CHST9: variants seen among roughly 807,000 people sequenced by gnomAD.
CHST9 encodes the protein carbohydrate sulfotransferase 9, also known as GalNAc-4-sulfotransferase 2.
In CHST9, 41 loss-of-function variants were observed where a neutral mutation model predicts 44.4. The observed-to-expected ratio is 0.92, with a 90% CI of 0.72 to 1.20. The LOEUF (loss-of-function observed/expected upper bound fraction) is 1.20. CHST9 is among the 50% of genes most tolerant of loss of function. The pLI is 0.00. For missense variants in CHST9, 504 were observed against 516.5 expected, an observed-to-expected ratio of 0.98 and a Z score of 0.23; for synonymous variants, 171 against 178.4, an observed-to-expected ratio of 0.96 and a Z score of 0.33.
intron 1 of CHST9, among the ~76,000 whole-genome samples, chr18:27,152,984 T>C (rs1490437943): frequency 1.3e-5 from 2 of 152,142 alleles, no homozygotes; most frequent in Non-Finnish European, 1.5e-5. Context: ...TGAATAAAGC[T>C]CTTGAATAAA....
intron 4 of CHST9, among the ~76,000 whole-genome samples, chr18:26,969,293 C>T (rs985896128): frequency 5.9e-5 from 9 of 152,074 alleles, no homozygotes; most frequent in African/African-American, 1.4e-4. Context: ...TGAGCCACCG[C>T]GCCTGGCCAC....
In CHST9 at chr18:27,053,659, A is replaced by G. The variant is rs547400613; in HGVS notation, c.122-5156T>C. 5.3e-5 allele frequency among the ~76,000 whole-genome samples: 8 copies of G among 152,240 alleles called. 1 individual carries two copies. In the South Asian group the frequency reaches 1.7e-3, roughly 32 times the overall value. ...TAAACAGCAAACTCTACATTTCTTA[A>G]TATAAAATTTATGACCTTGGACAAT... On this transcript the variant is annotated intron_variant, in intron 2 of 5. Coordinates refer to ENST00000618847, the MANE Select transcript of CHST9 (RefSeq NM_031422.6).
At chr18:26,974,986 A>G (rs2145178364) in intron 4 of CHST9, among the ~76,000 whole-genome samples, 1 of 152,132 alleles carries the variant, frequency 6.6e-6, no homozygotes, top group African/African-American at 2.4e-5. Context: ...AGGCGTACTT[A>G]TTTTCATTTC....
chr18:27,057,308 A>G (rs1301810370), intron 2 of CHST9, among the ~76,000 whole-genome samples: 4 of 152,244 alleles, frequency 2.6e-5, no homozygotes, highest in African/African-American at 9.6e-5. Flanking sequence ...GAGAAGTTTA[A>G]CTGGGCCAAT....
intron 2 of CHST9, among the ~76,000 whole-genome samples, chr18:27,074,952 A>G (rs1288611648): frequency 6.7e-6 from 1 of 149,148 alleles, no homozygotes; most frequent in East Asian, 1.9e-4. Context: ...TCTATAGTAT[A>G]TAGTCACCAA....
intron 3 of CHST9, among the ~76,000 whole-genome samples, chr18:27,039,396 C>A (rs1490479851): frequency 6.6e-6 from 1 of 152,120 alleles, no homozygotes; most frequent in Admixed American, 6.6e-5. Flanking sequence ...ATGAAATTAG[C>A]TAGTCACAAA....
intron 1 of CHST9, among the ~76,000 whole-genome samples, chr18:27,152,056 A>C (rs2058663754): frequency 6.6e-6 from 1 of 152,196 alleles, no homozygotes; most frequent in Non-Finnish European, 1.5e-5. Flanking sequence ...GCAGTGTTTC[A>C]TGGGCTATTC....
At chr18:26,965,454 G>A (rs548993041) in intron 4 of CHST9, among the ~76,000 whole-genome samples, 2 of 152,244 alleles carry the variant, frequency 1.3e-5, no homozygotes, top group Non-Finnish European at 2.9e-5. Context: ...AGAACCCCTG[G>A]GAAGCAGGCC....
At chr18:26,985,256 C>A (rs1054809398) in intron 4 of CHST9, among the ~76,000 whole-genome samples, 3 of 152,182 alleles carry the variant, frequency 2.0e-5, no homozygotes, top group African/African-American at 7.2e-5. Context: ...TCAATTTATG[C>A]AGTGTTCTAA....
chr18:26,972,366 AAAAAAAAAAAAAAAAG>A (rs1008093467), intron 4 of CHST9, among the ~76,000 whole-genome samples: 5 of 151,256 alleles, frequency 3.3e-5, no homozygotes, highest in African/African-American at 1.2e-4. Context: ...CCAAAAAAAA[AAAAAAAAAAAAAAAAG>A]GAAGAAAAAA....
chr18:27,043,407 A>G (rs1409481830), intron 3 of CHST9, among the ~76,000 whole-genome samples: 1 of 151,988 alleles, frequency 6.6e-6, no homozygotes, highest in Non-Finnish European at 1.5e-5. Flanking sequence ...CAACATAGAT[A>G]CGACTTAATT....
chr18:26,976,066 C>T (rs1215942031), intron 4 of CHST9, among the ~76,000 whole-genome samples: 1 of 151,752 alleles, frequency 6.6e-6, no homozygotes, highest in African/African-American at 2.4e-5. Flanking sequence ...ATTAGAGGGG[C>T]TCCAACAATG....
chr18:27,031,423 C>A (rs1210260938), intron 3 of CHST9, among the ~76,000 whole-genome samples: 1 of 152,116 alleles, frequency 6.6e-6, no homozygotes, highest in Non-Finnish European at 1.5e-5. Flanking sequence ...TGCTTCCAGC[C>A]ACCTTTTGAT....
intron 1 of CHST9, among the ~76,000 whole-genome samples, chr18:27,163,640 G>C (rs113940783): frequency 6.6e-6 from 1 of 152,196 alleles, no homozygotes; most frequent in African/African-American, 2.4e-5. Flanking sequence ...CTCCTGCTGT[G>C]ACGTTTGCTA....
intron 1 of CHST9, among the ~76,000 whole-genome samples, chr18:27,158,406 C>T (rs1370788035): frequency 6.6e-6 from 1 of 151,856 alleles, no homozygotes; most frequent in African/African-American, 2.4e-5. Context: ...TTTTCAGCTT[C>T]ATCCATGTCC....
At chr18:26,981,460 G>A (rs1450311198) in intron 4 of CHST9, among the ~76,000 whole-genome samples, 1 of 152,194 alleles carries the variant, frequency 6.6e-6, no homozygotes, top group Non-Finnish European at 1.5e-5. Context: ...GGCATATTCA[G>A]AACAGAGCCG....
rs565861953 is a variant in CHST9 at position 27,092,505 on chromosome 18, G to A, written c.122-44002C>T. 4.4e-3 allele frequency among the ~76,000 whole-genome samples: 663 copies of A among 151,800 alleles called. 4 individuals carry two copies. The highest frequency in any genetic ancestry group is 0.017 in the Middle Eastern group (5 of 292). ...TCTGCTAGCTTTTGAATGTGTTTGC[G>A]CTTGCTTCTCTAGTTCTTTTAATTG... is the stretch of plus-strand genomic sequence containing the variant. On this transcript the variant is annotated intron_variant, in intron 2 of 5. Transcript: ENST00000618847.
intron 4 of CHST9, among the ~76,000 whole-genome samples, chr18:26,972,272 A>G (rs938139133): frequency 1.4e-4 from 20 of 146,196 alleles, no homozygotes; most frequent in African/African-American, 4.8e-4. Context: ...CAAGAGAATC[A>G]CTTGAACCTG....
intron 4 of CHST9, among the ~76,000 whole-genome samples, chr18:26,991,139 G>C (rs2056811202): frequency 6.6e-6 from 1 of 152,172 alleles, no homozygotes; most frequent in African/African-American, 2.4e-5. Flanking sequence ...GGATAAGAGG[G>C]AAAGAAAGCA....
Sources: allele counts gnomAD v4.1 joint callset (sites outside exome capture counted in the v4.1 genomes callset), GRCh38; gene constraint gnomAD v4.1.1; transcripts MANE v1.5; gene names NCBI Gene and HGNC (gene_info 2026-07-23, HGNC 2026-07-21).